The following ACAP2 variants were observed in gnomAD, a reference collection of about 807,000 sequenced individuals.
ACAP2 encodes the protein ArfGAP with coiled-coil, ankyrin repeat and PH domains 2, also known as arf-GAP with coiled-coil, ANK repeat and PH domain-containing protein 2.
A neutral mutation model predicts 115.8 loss-of-function variants in ACAP2; 39 were observed. The ratio of observed to expected loss-of-function variants is 0.34; its 90% CI spans 0.26 to 0.44. ACAP2 has a LOEUF of 0.44. Ranked by LOEUF, ACAP2 falls within the 20% of genes least tolerant of loss-of-function variation. ACAP2 has a pLI of 1.00. For missense variants in ACAP2, 662 were observed against 927.6 expected (o/e 0.71, Z 3.72); for synonymous variants, 289 against 315.8 (o/e 0.92, Z 0.90).
intron 4 of ACAP2, among the ~76,000 whole-genome samples, chr3:195,376,460 T>C (rs1733548830): frequency 1.3e-5 from 2 of 151,664 alleles, no homozygotes; most frequent in Non-Finnish European, 2.9e-5. Context: ...GGAGAACCAC[T>C]TGAACCTGGA....
intron 1 of ACAP2, chr3:195,419,303 T>C (rs1268118603): frequency 6.6e-6 from 1 of 152,186 alleles, no homozygotes; most frequent in Non-Finnish European, 1.5e-5. Context: ...TCGGCCTATA[T>C]GCAACATTTC....
intron 1 of ACAP2, among the ~76,000 whole-genome samples, chr3:195,403,245 A>C (rs769251769): frequency 6.6e-6 from 1 of 152,182 alleles, no homozygotes; most frequent in African/African-American, 2.4e-5. Flanking sequence ...CCGAAACAGA[A>C]CCAGAAAGGG....
intron 4 of ACAP2, among the ~76,000 whole-genome samples, chr3:195,349,185 T>A (rs1731378063): frequency 6.7e-6 from 1 of 148,436 alleles, no homozygotes; most frequent in Admixed American, 6.7e-5. Flanking sequence ...AACTGAACAT[T>A]AAAAAAAAAA....
At chr3:195,289,310 T>C in intron 20 of ACAP2, 79 bp from the exon 21 acceptor site, 1 of 888,566 alleles carries the variant, frequency 1.1e-6, no homozygotes, top group Non-Finnish European at 1.8e-6. Flanking sequence ...AAAAAAGTAC[T>C]ACTTAAGTAA....
At chr3:195,341,966 T>C (rs1730907260) in intron 6 of ACAP2, among the ~76,000 whole-genome samples, 1 of 151,906 alleles carries the variant, frequency 6.6e-6, no homozygotes, top group Non-Finnish European at 1.5e-5. Flanking sequence ...TACAGAGTGG[T>C]GTAATGTGCA....
chr3:195,316,188 A>T (rs1288295883), intron 10 of ACAP2, among the ~76,000 whole-genome samples: 2 of 150,484 alleles, frequency 1.3e-5, no homozygotes, highest in African/African-American at 2.4e-5. Context: ...TCACCAGTCA[A>T]GCTGGGTTTT....
At chr3:195,390,429 T>C (rs1171649903) in intron 2 of ACAP2, among the ~76,000 whole-genome samples, 1 of 152,164 alleles carries the variant, frequency 6.6e-6, no homozygotes, top group Non-Finnish European at 1.5e-5. Flanking sequence ...TCTCTAAACA[T>C]CTTCTAAAAT....
intron 21 of ACAP2, among the ~76,000 whole-genome samples, chr3:195,287,757 ATC>A (rs1051969623): frequency 3.3e-5 from 5 of 152,200 alleles, no homozygotes; most frequent in Admixed American, 3.3e-4. Context: ...TAGAATAATT[ATC>A]TGTTAGTCTA....
chr3:195,320,581 A>G (rs1474353924), intron 10 of ACAP2, 120 bp downstream of exon 10: 10 of 607,508 alleles, frequency 1.6e-5, no homozygotes, highest in South Asian at 3.3e-5. Flanking sequence ...TGGGTTCAGG[A>G]AAGTTTCTAT....
At chr3:195,353,539 G>A (rs1405510931) in intron 4 of ACAP2, among the ~76,000 whole-genome samples, 3 of 152,126 alleles carry the variant, frequency 2.0e-5, no homozygotes, top group Non-Finnish European at 4.4e-5. Context: ...TACAATTCTA[G>A]AAAATGCAAA....
intron 2 of ACAP2, among the ~76,000 whole-genome samples, chr3:195,382,666 G>T (rs977769153): frequency 6.6e-6 from 1 of 152,028 alleles, no homozygotes; most frequent in African/African-American, 2.4e-5. Context: ...GGATGCAAAG[G>T]GGGGTCACCA....
chr3:195,322,651 G>A (rs1033776087), intron 9 of ACAP2, among the ~76,000 whole-genome samples: 2 of 151,970 alleles, frequency 1.3e-5, no homozygotes, highest in African/African-American at 2.4e-5. Context: ...TTTATTTGAC[G>A]CTACAATTTA....
chr3:195,406,963 C>T (rs957081388), intron 1 of ACAP2, among the ~76,000 whole-genome samples: 1 of 151,988 alleles, frequency 6.6e-6, no homozygotes, highest in African/African-American at 2.4e-5. Context: ...TATTATCTGT[C>T]CTATAGCTTA....
At chr3:195,317,446 A>T (rs1277894588) in intron 10 of ACAP2, among the ~76,000 whole-genome samples, 1 of 152,184 alleles carries the variant, frequency 6.6e-6, no homozygotes, top group Non-Finnish European at 1.5e-5. Flanking sequence ...ATCAACCAGA[A>T]TCCAACTACT....
intron 1 of ACAP2, among the ~76,000 whole-genome samples, chr3:195,418,764 T>C (rs941644336): frequency 8.5e-5 from 13 of 152,316 alleles, no homozygotes; most frequent in Admixed American, 5.2e-4. Flanking sequence ...CATTAACTTG[T>C]TTCAGGTCCT....
At chr3:195,294,393 T>G (rs1727478726) in intron 18 of ACAP2, among the ~76,000 whole-genome samples, 1 of 150,624 alleles carries the variant, frequency 6.6e-6, no homozygotes, top group Non-Finnish European at 1.5e-5. Context: ...GCCTGGCCAA[T>G]GTGGTGAAAC....
intron 1 of ACAP2, among the ~76,000 whole-genome samples, chr3:195,427,906 C>CA (rs943993839): frequency 2.0e-5 from 3 of 149,206 alleles, no homozygotes; most frequent in Admixed American, 6.7e-5. Context: ...GACCCCATCT[C>CA]AAAAAAAAGA....
At chr3:195,349,483 A>AAAAC (rs769011876) in intron 4 of ACAP2, among the ~76,000 whole-genome samples, 1 of 152,172 alleles carries the variant, frequency 6.6e-6, no homozygotes, top group Non-Finnish European at 1.5e-5. Context: ...ACTCCATCTG[A>AAAAC]AAACAAACAA....
At chr3:195,389,690 A>G (rs1029163360) in intron 2 of ACAP2, among the ~76,000 whole-genome samples, 2 of 152,240 alleles carry the variant, frequency 1.3e-5, no homozygotes, top group African/African-American at 4.8e-5. Flanking sequence ...ATAAAATAAA[A>G]TAAAATAGTA....
Sources: gnomAD v4.1 joint callset for allele counts (sites outside exome capture counted in the v4.1 genomes callset) on GRCh38, gnomAD v4.1.1 for gene constraint, MANE v1.5 for transcripts, NCBI Gene and HGNC (gene_info 2026-07-23, HGNC 2026-07-21) for gene names.